Variants in CDKN1B observed in about 807,000 individuals in gnomAD.
The protein encoded by CDKN1B is cyclin-dependent kinase inhibitor 1B.
CDKN1B carries 7 observed loss-of-function variants against 17.1 expected under a neutral mutation model. The observed-to-expected ratio is 0.41, with a 90% CI of 0.23 to 0.77. CDKN1B has a LOEUF of 0.77. CDKN1B is among the 30% of genes least tolerant of loss of function. CDKN1B has a pLI of 0.33. For missense variants in CDKN1B, 337 were observed against 262.0 expected (o/e 1.29, Z -1.98); for synonymous variants, 149 against 104.3 (o/e 1.43, Z -2.61).
At chr12:12,718,982 C>T (rs778347195) in intron 2 of CDKN1B, 28 bp downstream of exon 2, 36 of 1,612,502 alleles carry the variant, frequency 2.2e-5, no homozygotes, top group Admixed American at 1.7e-4. Flanking sequence ...GGAGCACGCA[C>T]TGGAACCCGG....
chr12:12,717,618 C>T lies in CDKN1B; in HGVS notation c.-222C>T, dbSNP rs976297634. Reference sequence around the variant, plus strand: ...CCTCTCCGCCCTCCCGCTCGCCAGTCCATTTGATCAGCGGAGACTCGGCGG... The same window carrying T: ...CCTCTCCGCCCTCCCGCTCGCCAGTTCATTTGATCAGCGGAGACTCGGCGG... On this transcript the variant is annotated 5_prime_UTR_variant, in exon 1 of 3. Transcript: ENST00000228872. The T allele has an allele frequency of 9.2e-5, 133 of 1,450,010 alleles. No homozygotes were observed. The highest frequency in any genetic ancestry group is 1.1e-4 in the Non-Finnish European group (127 of 1,109,842). 89.8% of individuals were successfully genotyped at this position (1,450,010 alleles called of 1,614,324 possible).
rs1592280521 is a variant in CDKN1B at position 12,717,666 on chromosome 12, C to G, written c.-174C>G. On this transcript the variant is annotated 5_prime_UTR_variant, in exon 1 of 3. Coordinates refer to ENST00000228872, the MANE Select transcript of CDKN1B (RefSeq NM_004064.5). ...CGGCCGGGCCGGGGCTTCCCCGCAG[C>G]CCCTGCGCGCTCCTAGAGCTCGGGC... is the stretch of plus-strand genomic sequence containing the variant. The G allele has an allele frequency of 5.4e-6, 8 of 1,492,724 alleles. No individual in the cohort carries two copies. The highest frequency in any genetic ancestry group is 5.3e-6 in the Non-Finnish European group (6 of 1,128,180). 92.5% of individuals were successfully genotyped at this position (1,492,724 alleles called of 1,614,324 possible).
rs1592281751 is a variant in CDKN1B at position 12,718,880 on chromosome 12, T to C, written c.531T>C (p.Gly177=). The change falls in exon 2 of 3, where the codon GGT becomes GGC. Residue 177 remains glycine, a synonymous_variant. Coordinates refer to ENST00000228872, the MANE Select transcript of CDKN1B (RefSeq NM_004064.5). ...ANRTEENVSD[G]SPNAGSVEQT... ...GAACAGAAGAAAATGTTTCAGACGG[T>C]TCCCCAAATGCCGGTTCTGTGGAGC... The C allele has an allele frequency of 4.3e-6, 7 of 1,614,034 alleles. No homozygotes were observed. Among genetic ancestry groups the C allele is most frequent in the Non-Finnish European group, 5.9e-6 (7 of 1,180,014 alleles).
rs2136356472 is a variant in CDKN1B at position 12,718,253 on chromosome 12, G to C, written c.414G>C (p.Ser138=). The C allele has an allele frequency of 4.3e-6, 7 of 1,610,878 alleles. No individual in the cohort carries two copies. Among genetic ancestry groups the C allele is most frequent in the Non-Finnish European group, 5.9e-6 (7 of 1,180,026 alleles). ...TGGTGGACCCAAAGACTGATCCGTC[G>C]GACAGCCAGACGGGGTTAGCGGAGC... The part of the protein sequence containing the change: ...THLVDPKTDP[S]DSQTGLAEQC... Residue 138 remains serine, a synonymous_variant, in exon 1 of 3, where the codon TCG becomes TCC. Transcript: ENST00000228872.
Position 12,717,829 on chromosome 12 carries a change from C to T in CDKN1B, c.-11C>T, listed in dbSNP as rs537154637. The T allele has an allele frequency of 8.7e-6, 14 of 1,611,542 alleles. No homozygotes were observed. In the East Asian group the frequency reaches 2.5e-4, roughly 28 times the overall value. ...GTGCGAGAGAGGCGGTCGTGCAGAC[C>T]CGGGAGAAAGATGTCAAACGTGCGA... On this transcript the variant is annotated 5_prime_UTR_variant, in exon 1 of 3. Transcript: ENST00000228872.
chr12:12,721,915 T>TA lies in CDKN1B; in HGVS notation c.*894dup, dbSNP rs555801286. ...TAAAGATCTGTAAGTAACTTCACAT[T>TA]AAAAAATGAAATATTTTTTAATTTA... On this transcript the variant is annotated 3_prime_UTR_variant, in exon 3 of 3. Coordinates refer to ENST00000228872, the MANE Select transcript of CDKN1B (RefSeq NM_004064.5). 112 of 152,336 alleles carry TA rather than the reference T, an allele frequency of 7.4e-4. No individual in the cohort carries two copies. The highest frequency in any genetic ancestry group is 3.4e-3 in the Middle Eastern group (1 of 294). 9.4% of individuals were successfully genotyped at this position (152,336 alleles called of 1,614,324 possible).
At position 12,717,468 on chromosome 12, in the gene CDKN1B, T is replaced by C; in HGVS notation, c.-372T>C. On this transcript the variant is annotated 5_prime_UTR_variant, in exon 1 of 3. Coordinates refer to ENST00000228872, the MANE Select transcript of CDKN1B (RefSeq NM_004064.5). ...CTCCCCCTCCCCTGTCCCCGCTTGC[T>C]CACGGCTCTGCGACTCCGACGCCGG... 7.5e-7 allele frequency: 1 copy of C among 1,329,130 alleles called. No individual in the cohort carries two copies. The allele number at this position is 1,329,130 out of a possible 1,614,324, so 82.3% of individuals were successfully genotyped here. A position where few individuals can be genotyped will look rare whatever the true frequency, so the allele number is the denominator to read the frequency against.
At position 12,717,805 on chromosome 12, in the gene CDKN1B, T is replaced by A; in HGVS notation, c.-35T>A. 1.2e-6 allele frequency: 2 copies of A among 1,609,866 alleles called. No individual in the cohort carries two copies. Among genetic ancestry groups the A allele is most frequent in the Non-Finnish European group, 1.7e-6 (2 of 1,179,852 alleles). Reference sequence around the variant, plus strand: ...TTGTTCGGTTTTGTTTTTTTGAGAGTGCGAGAGAGGCGGTCGTGCAGACCC... The same window carrying A: ...TTGTTCGGTTTTGTTTTTTTGAGAGAGCGAGAGAGGCGGTCGTGCAGACCC... On this transcript the variant is annotated 5_prime_UTR_variant, in exon 1 of 3. Coordinates refer to ENST00000228872, the MANE Select transcript of CDKN1B (RefSeq NM_004064.5).
Position 12,721,064 on chromosome 12 carries a change from G to T in CDKN1B, c.*37G>T, listed in dbSNP as rs1946536593. ...TAAGAATATGTTTCCTTGTTTATCA[G>T]ATACATCACTGCTTGATGAAGCAAG... On this transcript the variant is annotated 3_prime_UTR_variant, in exon 3 of 3. Coordinates refer to ENST00000228872, the MANE Select transcript of CDKN1B (RefSeq NM_004064.5). 1 of 738,554 alleles carries T rather than the reference G, an allele frequency of 1.4e-6. No individual in the cohort carries two copies. The highest frequency in any genetic ancestry group is 2.0e-5 in the Admixed American group (1 of 50,184). The allele number at this position is 738,554 out of a possible 1,614,324, so 45.8% of individuals were successfully genotyped here.
In CDKN1B at chr12:12,718,124, C is replaced by A. The variant is rs780148172; in HGVS notation, c.285C>A (p.Pro95=). 7 of 1,614,076 alleles carry A rather than the reference C, an allele frequency of 4.3e-6. No homozygotes were observed. The highest frequency in any genetic ancestry group is 1.6e-4 in the Middle Eastern group (1 of 6,084). ...TCTACTACAGACCCCCGCGGCCCCC[C>A]AAAGGTGCCTGCAAGGTGCCGGCGC... is the stretch of plus-strand genomic sequence containing the variant. ...PEFYYRPPRP[P]KGACKVPAQE... Residue 95 remains proline, a synonymous_variant, in exon 1 of 3, where the codon CCC becomes CCA. Transcript: ENST00000228872.
At chr12:12,719,784 T>C (rs1291636038) in intron 2 of CDKN1B, among the ~76,000 whole-genome samples, 2 of 152,038 alleles carry the variant, frequency 1.3e-5, no homozygotes, top group Non-Finnish European at 2.9e-5. Flanking sequence ...GAAGTGGAGA[T>C]TTTTCCATGC....
rs1329097644 is a variant in CDKN1B, at chr12:12,717,405, C to G, written c.-435C>G. The G allele has an allele frequency of 5.8e-6, 7 of 1,209,792 alleles. No individual in the cohort carries two copies. The highest frequency in any genetic ancestry group is 7.2e-6 in the Non-Finnish European group (7 of 965,970). The allele number at this position is 1,209,792 out of a possible 1,614,324, so 74.9% of individuals were successfully genotyped here. ...CCTCCCTTCCACCGCCATATTGGGC[C>G]ACTAAAAAAAGGGGGCTCGTCTTTT... On this transcript the variant is annotated 5_prime_UTR_variant, in exon 1 of 3. Coordinates refer to ENST00000228872, the MANE Select transcript of CDKN1B (RefSeq NM_004064.5).
rs557458200 is a variant in CDKN1B at position 12,721,177 on chromosome 12, T to C, written c.*150T>C. ...TAAGCACTGAAAAACAACAACACAA[T>C]AACACTAAAATTTTAGGCACTCTTA... On this transcript the variant is annotated 3_prime_UTR_variant, in exon 3 of 3. Coordinates refer to ENST00000228872, the MANE Select transcript of CDKN1B (RefSeq NM_004064.5). The C allele has an allele frequency of 2.6e-6, 2 of 773,108 alleles. No individual in the cohort carries two copies. Among genetic ancestry groups the C allele is most frequent in the South Asian group, 1.4e-5 (1 of 72,564 alleles). 47.9% of individuals were successfully genotyped at this position (773,108 alleles called of 1,614,324 possible).
intron 1 of CDKN1B, 82 bp from the exon 2 acceptor site, chr12:12,718,743 G>C (rs1038803388): frequency 6.4e-7 from 1 of 1,556,318 alleles, no homozygotes; most frequent in Non-Finnish European, 8.8e-7. Flanking sequence ...TTCATCCCCT[G>C]ACTATGGGGC....
At chr12:12,719,089 T>A in intron 2 of CDKN1B, 135 bp downstream of exon 2, 1 of 1,060,288 alleles carries the variant, frequency 9.4e-7, no homozygotes, top group Non-Finnish European at 1.4e-6. Context: ...GTCAAAAAAG[T>A]AGCAATGGGG....
In CDKN1B at chr12:12,717,517, T is replaced by C; in HGVS notation, c.-323T>C. The C allele has an allele frequency of 7.3e-7, 1 of 1,376,474 alleles. No individual in the cohort carries two copies. Among genetic ancestry groups the C allele is most frequent in the Non-Finnish European group, 9.4e-7 (1 of 1,063,468 alleles). The allele number at this position is 1,376,474 out of a possible 1,614,324, so 85.3% of individuals were successfully genotyped here. On this transcript the variant is annotated 5_prime_UTR_variant, in exon 1 of 3. Transcript: ENST00000228872. ...GGCAAGGTTTGGAGAGCGGCTGGGT[T>C]CGCGGGACCCGCGGGCTTGCACCCG...
At position 12,717,722 on chromosome 12, in the gene CDKN1B, TC is replaced by T; in HGVS notation, c.-116del. 1 of 1,566,462 alleles carries T rather than the reference TC, an allele frequency of 6.4e-7. No individual in the cohort carries two copies. On this transcript the variant is annotated 5_prime_UTR_variant, in exon 1 of 3. Coordinates refer to ENST00000228872, the MANE Select transcript of CDKN1B (RefSeq NM_004064.5). ...CTCGTCGGGGTCTGTGTCTTTTGGC[TC>T]CGAGGGCAGTCGCTGGGCTTCCGAG...
intron 1 of CDKN1B, 138 bp from the exon 2 acceptor site, chr12:12,718,687 C>T (rs753829934): frequency 2.0e-6 from 2 of 1,004,790 alleles, no homozygotes; most frequent in Non-Finnish European, 3.1e-6. Context: ...CCTTAAAAGC[C>T]ACTGGGGATG....
Position 12,718,006 on chromosome 12 carries a change from G to A in CDKN1B, c.167G>A (p.Ser56Asn). The change falls in exon 1 of 3, where the codon AGC (serine) becomes AAC (asparagine). Residue 56 changes from serine (S) to asparagine (N), a missense_variant. By Grantham distance (46) the Ser-to-Asn change is conservative (BLOSUM62 1). Transcript: ENST00000228872. The part of the protein sequence containing the change: ...EKHCRDMEEA[S>N]QRKWNFDFQN... ...CACTGCAGAGACATGGAAGAGGCGA[G>A]CCAGCGCAAGTGGAATTTCGATTTT... 1 of 1,614,250 alleles carries A rather than the reference G, an allele frequency of 6.2e-7. No individual in the cohort carries two copies. Among genetic ancestry groups the A allele is most frequent in the Non-Finnish European group, 8.5e-7 (1 of 1,180,052 alleles).
Sources: allele counts gnomAD v4.1 joint callset (sites outside exome capture counted in the v4.1 genomes callset), GRCh38; gene constraint gnomAD v4.1.1; transcripts MANE v1.5; gene names NCBI Gene and HGNC (gene_info 2026-07-23, HGNC 2026-07-21).